The following RHBDF1 variants were observed in gnomAD, a reference collection of about 807,000 sequenced individuals.
The protein encoded by RHBDF1 is rhomboid 5 homolog 1, also known as inactive rhomboid protein 1.
A neutral mutation model predicts 98.6 loss-of-function variants in RHBDF1; 80 were observed. The ratio of observed to expected loss-of-function variants is 0.81; its 90% CI spans 0.68 to 0.98. RHBDF1 has a LOEUF of 0.98. Among genes scored for constraint, RHBDF1 ranks in the 50% least tolerant of loss-of-function variants. The probability of loss-of-function intolerance (pLI) is 0.00; values close to 1 mark genes in which losing one functional copy is unlikely to be tolerated. For synonymous variants in RHBDF1, 512 were observed against 486.8 expected (o/e 1.05, Z -0.68); for missense variants, 1,116 against 1,198.3 (o/e 0.93, Z 1.01).
rs374164394 is a variant in RHBDF1, at chr16:64,686, G to A, written c.248+13C>T. On this transcript the variant is annotated intron_variant, in intron 3 of 17. Transcript: ENST00000262316. Reference sequence around the variant, plus strand: ...AGCTCCCACCCCATGGAGCAGCTGGGCGGTGTTGGTACCTGCGGATGGTCT... The same window carrying A: ...AGCTCCCACCCCATGGAGCAGCTGGACGGTGTTGGTACCTGCGGATGGTCT... The A allele has an allele frequency of 6.2e-7, 1 of 1,601,086 alleles. No homozygotes were observed. Among genetic ancestry groups the A allele is most frequent in the Non-Finnish European group, 8.5e-7 (1 of 1,171,084 alleles).
At chr16:64,166 C>T (rs763776673) in intron 3 of RHBDF1, 52 of 997,598 alleles carry the variant, frequency 5.2e-5, no homozygotes, top group Non-Finnish European at 6.9e-5. Flanking sequence ...CAGGTGCTTA[C>T]GGGCCCAGGC....
chr16:65,281 G>A (rs1045484739), intron 1 of RHBDF1, among the ~76,000 whole-genome samples: 1 of 152,232 alleles, frequency 6.6e-6, no homozygotes, highest in Non-Finnish European at 1.5e-5. Context: ...ACAACTATCT[G>A]AGCACACACT....
At chr16:68,830 T>C (rs1897897438) in intron 1 of RHBDF1, among the ~76,000 whole-genome samples, 1 of 152,240 alleles carries the variant, frequency 6.6e-6, no homozygotes, top group South Asian at 2.1e-4. Context: ...GCTCTGGGGA[T>C]GTCTGGGCAC....
chr16:67,658 G>A (rs544506873), intron 1 of RHBDF1, among the ~76,000 whole-genome samples: 11 of 152,330 alleles, frequency 7.2e-5, no homozygotes, highest in Admixed American at 3.3e-4. Flanking sequence ...TCCTTGGCCT[G>A]GATCCCTGGG....
At chr16:63,928 T>A in intron 3 of RHBDF1, 128 bp from the exon 4 acceptor site, 2 of 841,566 alleles carry the variant, frequency 2.4e-6, no homozygotes, top group Non-Finnish European at 2.0e-6. Context: ...AGGGTCTGAG[T>A]GGGCAAGGTC....
intron 8 of RHBDF1, 24 bp from the exon 9 acceptor site, chr16:61,720 G>A: frequency 6.2e-7 from 1 of 1,612,702 alleles, no homozygotes. Context: ...CGTCAGCGGG[G>A]GCCTCATCCC....
chr16:61,324 GCCCCCGCCGGGCACCT>G, intron 10 of RHBDF1, 43 bp from the exon 11 acceptor site: 1 of 1,543,144 alleles, frequency 6.5e-7, no homozygotes, highest in Non-Finnish European at 8.7e-7. Flanking sequence ...GGGGCCTCCT[GCCCCCGCCGGGCACCT>G]CCAGGTCCCG....
upstream of RHBDF1, among the ~76,000 whole-genome samples, chr16:72,850 C>A (rs2541637): frequency 2.0e-5 from 3 of 152,080 alleles, no homozygotes. Flanking sequence ...GGGAGCGGAC[C>A]GCAGTGTCAG....
At chr16:63,444 G>A in intron 4 of RHBDF1, 143 bp downstream of exon 4, 1 of 730,226 alleles carries the variant, frequency 1.4e-6, no homozygotes, top group Non-Finnish European at 2.2e-6. Flanking sequence ...TGTTTCAGGT[G>A]CCTTCACGAG....
rs199806322 is a variant in RHBDF1 at position 58,439 on chromosome 16, G to C, written c.2469C>G (p.Tyr823Ter). The change falls in exon 18 of 18, where the codon TAC becomes TAG. Residue 823 changes from tyrosine (Y) to a stop codon, truncating the protein, a stop_gained. Transcript: ENST00000262316. LOFTEE classifies it high-confidence loss of function. ...GLLAGLVVLF[Y>*]VYPVRCEWCE... Reference sequence around the variant, plus strand: ...ACCACTCACAGCGGACAGGATAGACGTAGAAGAGGACCACCAGGCCAGCCA... The same window carrying C: ...ACCACTCACAGCGGACAGGATAGACCTAGAAGAGGACCACCAGGCCAGCCA... 29 of 1,613,960 alleles carry C rather than the reference G, an allele frequency of 1.8e-5. No homozygotes were observed. Among genetic ancestry groups the C allele is most frequent in the South Asian group, 1.1e-5 (1 of 91,090 alleles).
chr16:68,825 G>A (rs1283384206), intron 1 of RHBDF1, among the ~76,000 whole-genome samples: 1 of 152,194 alleles, frequency 6.6e-6, no homozygotes, highest in African/African-American at 2.4e-5. Context: ...TTTCTGCTCT[G>A]GGGATGTCTG....
At position 60,233 on chromosome 16, in the gene RHBDF1, C is replaced by A. The variant is rs1245761837; in HGVS notation, c.1705G>T (p.Asp569Tyr). The part of the protein sequence containing the change: ...SSEDPHEWPE[D>Y]ITKWPICTKN... ...CAGCTCACCGGCCACTTGGTGATGT[C>A]TTCTGGCCACTCATGAGGGTCTTCG... The change falls in exon 13 of 18, where the codon GAC (aspartate) becomes TAC (tyrosine). Residue 569 changes from aspartate (D) to tyrosine (Y), a missense_variant. Physicochemically the swap from Asp to Tyr is radical, Grantham distance 160. Transcript: ENST00000262316. 1 of 1,614,008 alleles carries A rather than the reference C, an allele frequency of 6.2e-7. No homozygotes were observed. Among genetic ancestry groups the A allele is most frequent in the Non-Finnish European group, 8.5e-7 (1 of 1,180,030 alleles).
intron 1 of RHBDF1, among the ~76,000 whole-genome samples, chr16:67,403 C>T (rs755027409): frequency 1.3e-5 from 2 of 152,216 alleles, no homozygotes; most frequent in Non-Finnish European, 2.9e-5. Context: ...GGAGTCTCCA[C>T]CTGTGCCCAG....
chr16:62,232 C>T, intron 7 of RHBDF1, 180 bp from the exon 8 acceptor site: 1 of 885,838 alleles, frequency 1.1e-6, no homozygotes, highest in East Asian at 2.7e-5. Flanking sequence ...TGGCAGGGAG[C>T]TGGAACGGGG....
At chr16:63,236 C>A (rs1387099622) in intron 4 of RHBDF1, 54 bp from the exon 5 acceptor site, 1 of 1,441,972 alleles carries the variant, frequency 6.9e-7, no homozygotes, top group Non-Finnish European at 9.3e-7. Context: ...CCTAGCTCAC[C>A]CAGAGGCACA....
chr16:62,353 C>T, intron 7 of RHBDF1, 185 bp downstream of exon 7: 1 of 832,142 alleles, frequency 1.2e-6, no homozygotes, highest in South Asian at 1.8e-5. Context: ...CACAGGCAAG[C>T]CATGAGACTG....
At chr16:62,405 G>T in intron 7 of RHBDF1, 133 bp downstream of exon 7, 2 of 1,218,552 alleles carry the variant, frequency 1.6e-6, no homozygotes, top group Non-Finnish European at 2.3e-6. Flanking sequence ...TGGTGGCCCA[G>T]TGAGTAGTGA....
rs375298188 is a variant in RHBDF1 at position 58,682 on chromosome 16, C to T, written c.2226G>A (p.Ala742=). ...VELFQSWQIL[A]RPWRAFFKLL... ...GCTTGAAGAAGGCACGCCAGGGCCG[C>T]GCCAGGATCTGCCAGCTCTGGAAGA... Residue 742 remains alanine (A), a synonymous_variant, in exon 18 of 18, where the codon GCG becomes GCA. Transcript: ENST00000262316. 84 of 1,613,128 alleles carry T rather than the reference C, an allele frequency of 5.2e-5. 1 individual carries two copies. Among genetic ancestry groups the T allele is most frequent in the Admixed American group, 3.0e-4 (18 of 60,018 alleles).
chr16:65,134 C>G, intron 1 of RHBDF1, 95 bp from the exon 2 acceptor site: 1 of 1,315,792 alleles, frequency 7.6e-7, no homozygotes, highest in Non-Finnish European at 1.0e-6. Flanking sequence ...AGTGATGAGC[C>G]CAACCGTGGT....
Sources: gnomAD v4.1 joint callset for allele counts (sites outside exome capture counted in the v4.1 genomes callset) on GRCh38, gnomAD v4.1.1 for gene constraint, MANE v1.5 for transcripts, NCBI Gene and HGNC (gene_info 2026-07-23, HGNC 2026-07-21) for gene names.